HHAT: variants seen among roughly 807,000 people sequenced by gnomAD.
HHAT encodes protein-cysteine N-palmitoyltransferase HHAT.
Under a neutral mutation model 70.8 loss-of-function variants are expected in HHAT, and 47 were observed. The observed-to-expected ratio is 0.66, with a 90% CI of 0.53 to 0.85. The LOEUF (loss-of-function observed/expected upper bound fraction) is 0.85, where lower values mean the gene tolerates loss of function less well. Among genes scored for constraint, HHAT ranks in the 40% least tolerant of loss-of-function variants. The pLI is 0.00. For synonymous variants in HHAT, 228 were observed against 247.6 expected (o/e 0.92, Z 0.74); for missense variants, 609 against 604.8 (o/e 1.01, Z -0.07).
chr1:210,664,322 A>ACT lies in HHAT; in HGVS notation c.1391-9965_1391-9964insTC, dbSNP rs1054317779. The stretch of plus-strand genomic sequence containing the variant: ...CTACTAGAGTAAATAAGATTTAAAT[A>ACT]CAGCTGCCAAGCCACCTTATCGTTT... On this transcript the variant is annotated intron_variant, in intron 11 of 11. Transcript: ENST00000261458. Among the ~76,000 whole-genome samples the ACT allele has an allele frequency of 6.6e-5, 10 of 152,384 alleles. 1 individual carries two copies. Among genetic ancestry groups the ACT allele is most frequent in the Admixed American group, 3.9e-4 (6 of 15,312 alleles).
At chr1:210,584,191 C>T (rs1243347779) in intron 9 of HHAT, among the ~76,000 whole-genome samples, 2 of 151,924 alleles carry the variant, frequency 1.3e-5, no homozygotes, top group Non-Finnish European at 2.9e-5. Context: ...ACCCCCCAGC[C>T]TCGGCTTCCC....
intron 2 of HHAT, among the ~76,000 whole-genome samples, chr1:210,349,327 G>T (rs762303967): frequency 6.6e-6 from 1 of 152,180 alleles, no homozygotes; most frequent in Non-Finnish European, 1.5e-5. Flanking sequence ...GAAGGCCGTG[G>T]AGGGGATTTG....
intron 9 of HHAT, among the ~76,000 whole-genome samples, chr1:210,587,455 C>T (rs986062573): frequency 3.9e-5 from 6 of 152,112 alleles, no homozygotes; most frequent in Non-Finnish European, 7.4e-5. Flanking sequence ...TCCCATGACA[C>T]GTGGGGATTA....
intron 4 of HHAT, 80 bp downstream of exon 4, chr1:210,387,661 G>A (rs977762696): frequency 5.6e-6 from 6 of 1,062,652 alleles, no homozygotes; most frequent in Admixed American, 2.0e-5. Flanking sequence ...CTAGGAATCG[G>A]AAGACTTGGA....
At chr1:210,590,102 A>G (rs1661324398) in intron 10 of HHAT, 1 of 152,166 alleles carries the variant, frequency 6.6e-6, no homozygotes, top group South Asian at 2.1e-4. Flanking sequence ...AGTGAGCCTC[A>G]GTGTTAAATC....
intron 9 of HHAT, among the ~76,000 whole-genome samples, chr1:210,565,561 A>T (rs1286173161): frequency 1.3e-5 from 2 of 152,218 alleles, no homozygotes; most frequent in African/African-American, 4.8e-5. Context: ...TACCAGAGGA[A>T]CACAAACAAG....
At chr1:210,411,040 T>C (rs1482216956) in intron 6 of HHAT, among the ~76,000 whole-genome samples, 2 of 152,238 alleles carry the variant, frequency 1.3e-5, no homozygotes, top group African/African-American at 4.8e-5. Context: ...ATGATTTTTC[T>C]TAATTACAGA....
chr1:210,665,060 C>G (rs1290307820), intron 11 of HHAT, among the ~76,000 whole-genome samples: 1 of 152,148 alleles, frequency 6.6e-6, no homozygotes, highest in East Asian at 1.9e-4. Context: ...ATTAGTAAAC[C>G]CTCTGGAGGT....
chr1:210,650,914 CATATT>C (rs1012411514), intron 11 of HHAT, among the ~76,000 whole-genome samples: 2 of 152,124 alleles, frequency 1.3e-5, no homozygotes, highest in African/African-American at 4.8e-5. Flanking sequence ...AACATATTCT[CATATT>C]ATAAATTTAG....
chr1:210,363,136 G>GAAGATACCAGAAAC (rs2088542018), intron 3 of HHAT, among the ~76,000 whole-genome samples: 1 of 152,172 alleles, frequency 6.6e-6, no homozygotes, highest in Non-Finnish European at 1.5e-5. Context: ...TACCAGAAAT[G>GAAGATACCAGAAAC]TGACTAACCT....
At chr1:210,539,491 T>G (rs1398789568) in intron 9 of HHAT, among the ~76,000 whole-genome samples, 1 of 151,886 alleles carries the variant, frequency 6.6e-6, no homozygotes, top group Non-Finnish European at 1.5e-5. Flanking sequence ...GGAGTAGGAG[T>G]GGCCATCCCT....
intron 7 of HHAT, among the ~76,000 whole-genome samples, chr1:210,448,687 T>C (rs1486029744): frequency 6.6e-6 from 1 of 152,192 alleles, no homozygotes; most frequent in Non-Finnish European, 1.5e-5. Context: ...TACTTTAAAC[T>C]GTTTTTCATT....
intron 11 of HHAT, chr1:210,631,004 A>G (rs755921737): frequency 8.9e-6 from 4 of 450,740 alleles, no homozygotes. Flanking sequence ...CAGGAGGTTT[A>G]TTTTTATTTT....
At chr1:210,459,204 C>T (rs1021579508) in intron 7 of HHAT, among the ~76,000 whole-genome samples, 1 of 152,122 alleles carries the variant, frequency 6.6e-6, no homozygotes, top group Non-Finnish European at 1.5e-5. Flanking sequence ...ACTGGGAATA[C>T]AAGGTCCCAA....
chr1:210,399,004 A>G (rs955910484), intron 4 of HHAT, among the ~76,000 whole-genome samples: 25 of 152,198 alleles, frequency 1.6e-4, no homozygotes, highest in African/African-American at 6.0e-4. Context: ...GGTAGGCAAT[A>G]TTTTGAAAGA....
At chr1:210,380,535 G>C (rs1572030748) in intron 3 of HHAT, among the ~76,000 whole-genome samples, 1 of 152,038 alleles carries the variant, frequency 6.6e-6, no homozygotes, top group Non-Finnish European at 1.5e-5. Flanking sequence ...GCAAGACTCT[G>C]TCGCAAAAAA....
chr1:210,410,290 T>C (rs997504004), intron 6 of HHAT, among the ~76,000 whole-genome samples: 2 of 151,732 alleles, frequency 1.3e-5, no homozygotes, highest in Non-Finnish European at 2.9e-5. Flanking sequence ...TCTCCTGACC[T>C]TGTGATCCAC....
chr1:210,559,665 A>G (rs1309264421), intron 9 of HHAT, among the ~76,000 whole-genome samples: 3 of 152,216 alleles, frequency 2.0e-5, no homozygotes, highest in African/African-American at 7.2e-5. Context: ...ACCATAGGTC[A>G]GAGACAGAAA....
chr1:210,570,249 A>G (rs1300368490), intron 9 of HHAT, among the ~76,000 whole-genome samples: 2 of 152,190 alleles, frequency 1.3e-5, no homozygotes, highest in Non-Finnish European at 2.9e-5. Flanking sequence ...ATTTGAGCTC[A>G]TCCAGAGCCA....
Sources: allele counts gnomAD v4.1 joint callset (sites outside exome capture counted in the v4.1 genomes callset), GRCh38; gene constraint gnomAD v4.1.1; transcripts MANE v1.5; gene names NCBI Gene and HGNC (gene_info 2026-07-23, HGNC 2026-07-21).